Variants in ZFHX3 observed in about 807,000 individuals in gnomAD.
ZFHX3 encodes zinc finger homeobox protein 3.
Under a neutral mutation model 279.1 loss-of-function variants are expected in ZFHX3, and 42 were observed. The ratio of observed to expected loss-of-function variants is 0.15; its 90% CI spans 0.12 to 0.19. The LOEUF (loss-of-function observed/expected upper bound fraction) is 0.19, where lower values mean the gene tolerates loss of function less well. Ranked by LOEUF, ZFHX3 falls within the 10% of genes least tolerant of loss-of-function variation. The probability of loss-of-function intolerance (pLI) is 1.00; values close to 1 mark genes in which losing one functional copy is unlikely to be tolerated. For synonymous variants in ZFHX3, 2,293 were observed against 1,957.8 expected (o/e 1.17, Z -4.52); for missense variants, 4,981 against 4,754.0 (o/e 1.05, Z -1.40).
intron 1 of ZFHX3, among the ~76,000 whole-genome samples, chr16:73,872,613 G>C (rs573754168): frequency 6.7e-6 from 1 of 150,180 alleles, no homozygotes; most frequent in African/African-American, 2.5e-5. Flanking sequence ...ATGAATTGTC[G>C]GACAGTTATC....
At chr16:72,932,653 CA>C (rs3079316) in intron 3 of ZFHX3, among the ~76,000 whole-genome samples, 25,726 of 103,186 alleles carry the variant, frequency 0.25, 2,443 homozygotes, top group Non-Finnish European at 0.29. Context: ...TGCTCCGCAC[CA>C]AAAAAAAAAA....
chr16:73,842,206 A>G (rs1961327999), intron 1 of ZFHX3, among the ~76,000 whole-genome samples: 2 of 151,838 alleles, frequency 1.3e-5, no homozygotes, highest in African/African-American at 4.8e-5. Context: ...ACAAGAGCGA[A>G]ACTCCATCTC....
chr16:73,811,433 CTCT>C (rs1204989886), intron 1 of ZFHX3, among the ~76,000 whole-genome samples: 2 of 147,062 alleles, frequency 1.4e-5, no homozygotes, highest in East Asian at 2.0e-4. Context: ...TCCCTTCAGT[CTCT>C]TCTTTTTTTT....
intron 1 of ZFHX3, among the ~76,000 whole-genome samples, chr16:73,729,402 GC>G: frequency 6.6e-6 from 1 of 152,324 alleles, no homozygotes; most frequent in African/African-American, 2.4e-5. Context: ...GATGGCGCAT[GC>G]CTGTAATCTC....
At chr16:73,389,114 T>G (rs1344828747) in intron 3 of ZFHX3, 1 of 152,174 alleles carries the variant, frequency 6.6e-6, no homozygotes, top group Non-Finnish European at 1.5e-5. Flanking sequence ...ATACGTGCGG[T>G]GTTAGCATAG....
At chr16:72,987,652 G>C (rs1227248079) in intron 1 of ZFHX3, among the ~76,000 whole-genome samples, 8 of 152,160 alleles carry the variant, frequency 5.3e-5, no homozygotes, top group Admixed American at 5.2e-4. Flanking sequence ...ACAGAAATCA[G>C]AACACTGGAG....
intron 5 of ZFHX3, among the ~76,000 whole-genome samples, chr16:72,827,649 A>C (rs1310875510): frequency 6.6e-6 from 1 of 152,216 alleles, no homozygotes; most frequent in Non-Finnish European, 1.5e-5. Context: ...CAAAACTGGG[A>C]TCTTGGTCCA....
At chr16:73,750,421 AC>A (rs1191247012) in intron 1 of ZFHX3, among the ~76,000 whole-genome samples, 1 of 152,160 alleles carries the variant, frequency 6.6e-6, no homozygotes. Flanking sequence ...TGCAGATGAC[AC>A]TAAATTGGGA....
chr16:73,336,698 C>T (rs61667676), intron 3 of ZFHX3, among the ~76,000 whole-genome samples: 8,873 of 152,054 alleles, frequency 0.058, 343 homozygotes, highest in East Asian at 0.11. Context: ...GATGAATATA[C>T]GTGCACATGT....
chr16:73,559,389 G>A (rs779388221), intron 2 of ZFHX3, among the ~76,000 whole-genome samples: 3 of 152,126 alleles, frequency 2.0e-5, no homozygotes, highest in Non-Finnish European at 4.4e-5. Flanking sequence ...TCCATTGGCA[G>A]CTCACTGAAA....
chr16:72,876,568 C>G (rs982712998), intron 4 of ZFHX3, among the ~76,000 whole-genome samples: 4 of 151,914 alleles, frequency 2.6e-5, no homozygotes, highest in African/African-American at 9.7e-5. Flanking sequence ...CTCCTCTTCT[C>G]TCCTGTTCTA....
intron 1 of ZFHX3, among the ~76,000 whole-genome samples, chr16:73,003,478 AG>A (rs1373249653): frequency 1.3e-5 from 2 of 151,492 alleles, no homozygotes; most frequent in African/African-American, 4.9e-5. Context: ...ATCTGAGGTC[AG>A]GAGTTCGAGA....
At chr16:73,620,102 A>G (rs976417138) in intron 2 of ZFHX3, among the ~76,000 whole-genome samples, 3 of 152,178 alleles carry the variant, frequency 2.0e-5, no homozygotes, top group African/African-American at 7.2e-5. Flanking sequence ...GCAGGCTTTA[A>G]TAAATACTTA....
At chr16:73,279,170 T>C (rs1233592672) in intron 4 of ZFHX3, among the ~76,000 whole-genome samples, 1 of 152,174 alleles carries the variant, frequency 6.6e-6, no homozygotes, top group Non-Finnish European at 1.5e-5. Flanking sequence ...AATTTTAAGC[T>C]AGGACAGAAG....
chr16:73,036,223 C>T (rs1476229285), intron 1 of ZFHX3, among the ~76,000 whole-genome samples: 1 of 152,194 alleles, frequency 6.6e-6, no homozygotes, highest in African/African-American at 2.4e-5. Flanking sequence ...GGCCCCTTTC[C>T]TATTAGAAAG....
chr16:73,341,566 T>G (rs1196944569), intron 3 of ZFHX3, among the ~76,000 whole-genome samples: 4 of 152,178 alleles, frequency 2.6e-5, no homozygotes, highest in African/African-American at 4.8e-5. Flanking sequence ...ATTCTACTCC[T>G]AGATGTACAC....
intron 2 of ZFHX3, among the ~76,000 whole-genome samples, chr16:73,629,945 G>A (rs1216363876): frequency 6.6e-6 from 1 of 152,104 alleles, no homozygotes; most frequent in Non-Finnish European, 1.5e-5. Flanking sequence ...AGCTCTTGAT[G>A]TAAATGAAAA....
intron 3 of ZFHX3, among the ~76,000 whole-genome samples, chr16:72,931,661 A>G (rs1420179750): frequency 6.6e-6 from 1 of 152,084 alleles, no homozygotes; most frequent in African/African-American, 2.4e-5. Flanking sequence ...AGTTTTGCAT[A>G]CTTGACTGCA....
chr16:73,289,587 G>A (rs1242544688), intron 4 of ZFHX3, among the ~76,000 whole-genome samples: 2 of 151,960 alleles, frequency 1.3e-5, no homozygotes, highest in Non-Finnish European at 2.9e-5. Flanking sequence ...TCCTAGGCTG[G>A]CAATCCAAGC....
Sources: gnomAD v4.1 joint callset for allele counts (sites outside exome capture counted in the v4.1 genomes callset) on GRCh38, gnomAD v4.1.1 for gene constraint, MANE v1.5 for transcripts, NCBI Gene and HGNC (gene_info 2026-07-23, HGNC 2026-07-21) for gene names.